Variants in YTHDC2 observed in about 807,000 individuals in gnomAD.
The protein encoded by YTHDC2 is 3'-5' RNA helicase YTHDC2.
In YTHDC2, 45 loss-of-function variants were observed where a neutral mutation model predicts 174.9. The ratio of observed to expected loss-of-function variants is 0.26; its 90% confidence interval spans 0.20 to 0.33. The LOEUF (loss-of-function observed/expected upper bound fraction) is 0.33. Among genes scored for constraint, YTHDC2 ranks in the 10% least tolerant of loss-of-function variants. The pLI, the probability that YTHDC2 is intolerant of heterozygous loss-of-function variation, is 1.00. For missense variants in YTHDC2, 1,650 were observed against 1,723.7 expected (o/e 0.96, Z 0.76); for synonymous variants, 657 against 574.5 (o/e 1.14, Z -2.05).
rs1561610760 is a variant in YTHDC2 at position 113,513,943 on chromosome 5, TGGCGGAGGCGGC to T, written c.52_63del (p.Gly18_Gly21del). 6.2e-7 allele frequency: 1 copy of T among 1,604,366 alleles called. No homozygotes were observed. The highest frequency in any genetic ancestry group is 1.7e-5 in the Admixed American group (1 of 59,366). On this transcript the variant is annotated inframe_deletion, in exon 1 of 30. Transcript: ENST00000161863. ...CCCCGCGGCAGCCGGCTCCTGGCGG[TGGCGGAGGCGGC>T]GGCCCCTCGCCTTGTGGCCCTGGGG...
chr5:113,522,228 G>A (rs1456859742), intron 2 of YTHDC2, among the ~76,000 whole-genome samples: 1 of 150,098 alleles, frequency 6.7e-6, no homozygotes, highest in Non-Finnish European at 1.5e-5. Flanking sequence ...TTGAGATTTG[G>A]GCTCTTCAGC....
rs901228565 is a variant in YTHDC2, at chr5:113,539,889, T to TA, written c.1210+719dup. Among the ~76,000 whole-genome samples, 1,002 of 148,844 alleles carry TA rather than the reference T, an allele frequency of 6.7e-3. 7 individuals carry two copies. The highest frequency in any genetic ancestry group is 0.023 in the African/African-American group (921 of 40,764). ...TGTAAAACTCCTAGATCTTGAAACTTAAAAAAAAAAATTAAAAAAAAATTT... is the reference window on the plus strand; with the variant it reads ...TGTAAAACTCCTAGATCTTGAAACTTAAAAAAAAAAAATTAAAAAAAAATTT... On this transcript the variant is annotated intron_variant, in intron 8 of 29. Transcript: ENST00000161863.
rs1367547221 is a variant in YTHDC2 at position 113,513,737 on chromosome 5, T to A, written c.-159T>A. ...ATATCAATGGCGCAGGCTTCACTTC[T>A]GCTGTGGCGGTGACTGAGGCCTTTC... is the stretch of plus-strand genomic sequence containing the variant. On this transcript the variant is annotated 5_prime_UTR_variant, in exon 1 of 30. Coordinates refer to ENST00000161863, the MANE Select transcript of YTHDC2 (RefSeq NM_022828.5). The A allele has an allele frequency of 1.3e-6, 1 of 741,426 alleles. No homozygotes were observed. The highest frequency in any genetic ancestry group is 2.0e-5 in the South Asian group (1 of 49,990). 45.9% of individuals were successfully genotyped at this position (741,426 alleles called of 1,614,324 possible). A position where few individuals can be genotyped will look rare whatever the true frequency, so the allele number is the denominator to read the frequency against.
At chr5:113,573,664 CT>C (rs1777868334) in intron 23 of YTHDC2, among the ~76,000 whole-genome samples, 5 of 152,018 alleles carry the variant, frequency 3.3e-5, no homozygotes, top group Admixed American at 3.3e-4. Flanking sequence ...TTGTTCATTT[CT>C]TTTTTCATTC....
intron 6 of YTHDC2, among the ~76,000 whole-genome samples, chr5:113,534,710 T>TA (rs754494777): frequency 4.2e-4 from 64 of 152,248 alleles, no homozygotes; most frequent in Non-Finnish European, 1.8e-4. Flanking sequence ...TGCATGCACT[T>TA]AGAGTTCTCA....
intron 24 of YTHDC2, chr5:113,579,986 G>A: frequency 1.0e-6 from 1 of 961,608 alleles, no homozygotes; most frequent in Non-Finnish European, 1.2e-6. Context: ...TCACAGTTCT[G>A]AAGGATCTTA....
At chr5:113,579,844 T>G in intron 24 of YTHDC2, 149 bp downstream of exon 24, 1 of 1,301,256 alleles carries the variant, frequency 7.7e-7, no homozygotes, top group East Asian at 3.0e-5. Flanking sequence ...ACCTCATTCA[T>G]TCTCTTCTGT....
chr5:113,546,817 A>G (rs1022138180), intron 10 of YTHDC2, among the ~76,000 whole-genome samples: 19 of 152,188 alleles, frequency 1.2e-4, no homozygotes, highest in Admixed American at 6.5e-5. Context: ...TATGCTTTCA[A>G]GAAGCCTCAC....
chr5:113,592,301 A>G, intron 28 of YTHDC2, 123 bp downstream of exon 28: 1 of 966,582 alleles, frequency 1.0e-6, no homozygotes, highest in Non-Finnish European at 1.4e-6. Context: ...CATGGGAAAC[A>G]GGGGTTCAGG....
At position 113,548,915 on chromosome 5, in the gene YTHDC2, A is replaced by G. The variant is rs746631913; in HGVS notation, c.1623-40A>G. The G allele has an allele frequency of 2.5e-6, 4 of 1,577,752 alleles. No homozygotes were observed. The East Asian group carries it at 6.8e-5, about 27-fold the overall frequency. ...CAGGCTCATCATGAACTAGTTTTAC[A>G]ATTTTGATGACATCTTATATATCCT... is the stretch of plus-strand genomic sequence containing the variant. On this transcript the variant is annotated intron_variant, in intron 11 of 29. Transcript: ENST00000161863.
chr5:113,589,408 A>AATATATATAT (rs34243829), intron 26 of YTHDC2, among the ~76,000 whole-genome samples: 48 of 123,240 alleles, frequency 3.9e-4, no homozygotes, highest in Middle Eastern at 4.3e-3. Flanking sequence ...AAAAAAAAAA[A>AATATATATAT]ATATATATAT....
At chr5:113,583,558 C>T (rs1373839631) in intron 25 of YTHDC2, 1 of 152,236 alleles carries the variant, frequency 6.6e-6, no homozygotes, top group Non-Finnish European at 1.5e-5. Flanking sequence ...GATCTCAGCT[C>T]ACTGCAACCT....
At chr5:113,579,802 A>C in intron 24 of YTHDC2, 107 bp downstream of exon 24, 1 of 1,319,190 alleles carries the variant, frequency 7.6e-7, no homozygotes. Context: ...TTAGTATCAG[A>C]GAATATAACT....
At chr5:113,541,162 G>A (rs371750478) in intron 9 of YTHDC2, 46 bp downstream of exon 9, 2 of 1,594,282 alleles carry the variant, frequency 1.3e-6, no homozygotes, top group African/African-American at 1.3e-5. Context: ...TGAAAATTGT[G>A]TAGGTTAAAG....
chr5:113,577,516 C>A lies in YTHDC2; in HGVS notation c.3245-2070C>A, dbSNP rs112690423. Among the ~76,000 whole-genome samples the A allele has an allele frequency of 2.0e-3, 310 of 152,082 alleles. 5 individuals carry two copies. The highest frequency in any genetic ancestry group is 7.2e-3 in the African/African-American group (297 of 41,468). ...TCTCGAGTAGCTGGGACTAAAGGCA[C>A]ACACCACCATGCCTGGCTAATGTTC... On this transcript the variant is annotated intron_variant, in intron 23 of 29. Coordinates refer to ENST00000161863, the MANE Select transcript of YTHDC2 (RefSeq NM_022828.5).
intron 10 of YTHDC2, among the ~76,000 whole-genome samples, chr5:113,547,180 C>A (rs1222650958): frequency 1.3e-5 from 2 of 152,116 alleles, no homozygotes; most frequent in Non-Finnish European, 2.9e-5. Flanking sequence ...CCCTTCTGCT[C>A]AAAATACACA....
intron 10 of YTHDC2, among the ~76,000 whole-genome samples, chr5:113,545,757 T>G (rs1186916973): frequency 2.7e-5 from 1 of 37,650 alleles, no homozygotes; most frequent in African/African-American, 5.4e-4. Context: ...TTTTTTTTTT[T>G]TGAGACGGAG....
In YTHDC2 at chr5:113,534,193, A is replaced by G. The variant is rs1774889792; in HGVS notation, c.843-112A>G. 6.4e-6 allele frequency: 5 copies of G among 784,012 alleles called. No homozygotes were observed. The South Asian group carries it at 6.8e-5, about 11-fold the overall frequency. The allele number at this position is 784,012 out of a possible 1,614,324, so 48.6% of individuals were successfully genotyped here. On this transcript the variant is annotated intron_variant, in intron 5 of 29. Coordinates refer to ENST00000161863, the MANE Select transcript of YTHDC2 (RefSeq NM_022828.5). ...ACTAATAAACTGTACATACCGGTAC[A>G]CTATTAGTAATATTTATTAAAATGT...
At chr5:113,540,665 C>T (rs1775392065) in intron 8 of YTHDC2, among the ~76,000 whole-genome samples, 1 of 152,154 alleles carries the variant, frequency 6.6e-6, no homozygotes, top group Non-Finnish European at 1.5e-5. Context: ...AAACTGCCCC[C>T]ATGATCCAAT....
Sources: allele counts gnomAD v4.1 joint callset (sites outside exome capture counted in the v4.1 genomes callset), GRCh38; gene constraint gnomAD v4.1.1; transcripts MANE v1.5; gene names NCBI Gene and HGNC (gene_info 2026-07-23, HGNC 2026-07-21).